The following SCAND3 variants were observed in gnomAD, a reference collection of about 807,000 sequenced individuals.
SCAND3 encodes the protein SCAN domain-containing protein 3.
At chr6:28,581,605 C>T in the SCAND3 span, among the ~76,000 whole-genome samples, 1 of 152,140 alleles carries the variant, frequency 6.6e-6, no homozygotes, top group Non-Finnish European at 1.5e-5. Context: ...TAGCATTTGG[C>T]CTCATGCTTA....
At chr6:28,579,240 C>T in the SCAND3 span, 2 of 1,597,722 alleles carry the variant, frequency 1.3e-6, no homozygotes, top group Non-Finnish European at 1.7e-6. The surrounding 1 kb of genome is among the most constrained non-coding windows in gnomAD (Gnocchi z 4.5). Context: ...TCCCAAGTCT[C>T]ACCTTCTTTC....
At chr6:28,594,269 A>G in the SCAND3 span, 1 of 152,286 alleles carries the variant, frequency 6.6e-6, no homozygotes, top group Non-Finnish European at 1.5e-5. Flanking sequence ...AAATCAATAT[A>G]TCAAAGAAAT....
the SCAND3 span, chr6:28,575,975 A>G: frequency 6.2e-7 from 1 of 1,613,654 alleles, no homozygotes; most frequent in African/African-American, 1.3e-5. The surrounding 1 kb of genome is among the most constrained non-coding windows in gnomAD (Gnocchi z 4.2). Context: ...GCTTTAGAAA[A>G]TATCTTAGTA....
the SCAND3 span, among the ~76,000 whole-genome samples, chr6:28,599,115 G>T: frequency 2.6e-5 from 4 of 152,084 alleles, no homozygotes; most frequent in African/African-American, 7.2e-5. Flanking sequence ...TTATGTACAA[G>T]ATCTATGTGA....
chr6:28,583,398 CA>C, the SCAND3 span, among the ~76,000 whole-genome samples: 2 of 131,246 alleles, frequency 1.5e-5, no homozygotes, highest in South Asian at 4.9e-4. Context: ...AACAAACAAA[CA>C]AACAACAACA....
chr6:28,605,807 T>C, the SCAND3 span, among the ~76,000 whole-genome samples: 1 of 151,918 alleles, frequency 6.6e-6, no homozygotes, highest in African/African-American at 2.4e-5. Context: ...GATCGCGCCA[T>C]TGCACTCCAG....
chr6:28,594,620 A>T, the SCAND3 span, among the ~76,000 whole-genome samples: 1 of 152,184 alleles, frequency 6.6e-6, no homozygotes, highest in Non-Finnish European at 1.5e-5. Context: ...GTGCCATTGC[A>T]CTCCAGCCTG....
the SCAND3 span, among the ~76,000 whole-genome samples, chr6:28,606,787 C>T: frequency 1.3e-5 from 2 of 152,184 alleles, no homozygotes; most frequent in Non-Finnish European, 2.9e-5. Context: ...AAAGGCGGTG[C>T]TGGGCCCGGG....
At chr6:28,575,155 G>A in the SCAND3 span, 65 of 1,613,986 alleles carry the variant, frequency 4.0e-5, no homozygotes, top group Admixed American at 1.2e-4. The surrounding 1 kb of genome is among the most constrained non-coding windows in gnomAD (Gnocchi z 4.2). Flanking sequence ...TTCACATGGA[G>A]TCTGTTGCAT....
chr6:28,605,399 A>C, the SCAND3 span, among the ~76,000 whole-genome samples: 1 of 152,180 alleles, frequency 6.6e-6, no homozygotes, highest in Admixed American at 6.5e-5. Context: ...GATTTTTTTA[A>C]AGCAAGAACA....
At chr6:28,584,499 G>A in the SCAND3 span, among the ~76,000 whole-genome samples, 1 of 152,064 alleles carries the variant, frequency 6.6e-6, no homozygotes, top group Non-Finnish European at 1.5e-5. Flanking sequence ...TTATAGATTG[G>A]CAGAATGATA....
At chr6:28,605,656 A>AC in the SCAND3 span, among the ~76,000 whole-genome samples, 3 of 130,154 alleles carry the variant, frequency 2.3e-5, no homozygotes, top group Non-Finnish European at 1.6e-5. Context: ...ACATGGTGAA[A>AC]CCCCGCCTCT....
chr6:28,597,365 G>A, the SCAND3 span, among the ~76,000 whole-genome samples: 3 of 152,158 alleles, frequency 2.0e-5, no homozygotes, highest in African/African-American at 2.4e-5. Context: ...TCGAACCCAC[G>A]CGTGCAGAGC....
chr6:28,586,754 G>C, the SCAND3 span: 6 of 1,571,822 alleles, frequency 3.8e-6, no homozygotes, highest in Non-Finnish European at 4.3e-6. The surrounding 1 kb of genome is among the most constrained non-coding windows in gnomAD (Gnocchi z 4.4). Context: ...GTTCTCTCCA[G>C]TTGGGGTCTA....
At chr6:28,606,728 C>T in the SCAND3 span, among the ~76,000 whole-genome samples, 58 of 152,244 alleles carry the variant, frequency 3.8e-4, 4 homozygotes, top group East Asian at 4.2e-3. Context: ...GTTCAGTGGA[C>T]GTTTTGGGCT....
the SCAND3 span, among the ~76,000 whole-genome samples, chr6:28,594,721 A>C: frequency 6.6e-6 from 1 of 152,198 alleles, no homozygotes; most frequent in African/African-American, 2.4e-5. Context: ...AAATTCTGTC[A>C]TTTTTCACAA....
chr6:28,577,517 T>C, the SCAND3 span, among the ~76,000 whole-genome samples: 1 of 152,168 alleles, frequency 6.6e-6, no homozygotes, highest in African/African-American at 2.4e-5. Flanking sequence ...AATGAGCAAC[T>C]TGATAAACAA....
chr6:28,605,280 A>T, the SCAND3 span, among the ~76,000 whole-genome samples: 2 of 152,214 alleles, frequency 1.3e-5, no homozygotes, highest in African/African-American at 4.8e-5. Flanking sequence ...TTTAGCGCCC[A>T]GAAAATATTC....
the SCAND3 span, chr6:28,572,274 C>T: frequency 1.2e-6 from 2 of 1,610,326 alleles, no homozygotes; most frequent in South Asian, 2.2e-5. The surrounding 1 kb of genome is among the most constrained non-coding windows in gnomAD (Gnocchi z 4.1). Flanking sequence ...GATTTTGGAT[C>T]CACAAATTTC....
Sources: allele counts gnomAD v4.1 joint callset (sites outside exome capture counted in the v4.1 genomes callset), GRCh38; gene constraint gnomAD v4.1.1; non-coding constraint Gnocchi (gnomAD v3.1); transcripts MANE v1.5; gene names NCBI Gene and HGNC (gene_info 2026-07-23, HGNC 2026-07-21).